Variants in TEAD3 observed in about 807,000 individuals in gnomAD.
TEAD3 encodes TEA domain transcription factor 3.
TEAD3 carries 15 observed loss-of-function variants against 55.6 expected under a neutral mutation model. The ratio of observed to expected loss-of-function variants is 0.27; its 90% confidence interval spans 0.18 to 0.42. The LOEUF is 0.42. Ranked by LOEUF, TEAD3 falls within the 10% of genes least tolerant of loss-of-function variation. TEAD3 has a pLI of 1.00. For missense variants in TEAD3, 407 were observed against 576.8 expected (o/e 0.71, Z 3.01); for synonymous variants, 210 against 232.2 (o/e 0.90, Z 0.87).
At position 35,477,783 on chromosome 6, in the gene TEAD3, GAGAGAATGCAT is replaced by G. The variant is rs201703910; in HGVS notation, c.531-422_531-412del. Among the ~76,000 whole-genome samples the G allele has an allele frequency of 9.6e-3, 1,464 of 152,110 alleles. 8 individuals are homozygous for G. Among genetic ancestry groups the G allele is most frequent in the Non-Finnish European group, 0.015 (1,025 of 67,996 alleles). The stretch of plus-strand genomic sequence containing the variant: ...GGATGACAAGTGGATGCATGCTGAT[GAGAGAATGCAT>G]AGTGAACAGCCAGCGCATCAGCTGT... On this transcript the variant is annotated intron_variant, in intron 7 of 12. Transcript: ENST00000639578.
chr6:35,492,259 G>A (rs1033368250), intron 1 of TEAD3, among the ~76,000 whole-genome samples: 3 of 152,228 alleles, frequency 2.0e-5, no homozygotes, highest in Admixed American at 2.0e-4. Context: ...GACCAGCCGG[G>A]GGGGTCGAGG....
rs1237921102 is a variant in TEAD3 at position 35,488,766 on chromosome 6, C to T, written c.-49-2055G>A. Among the ~76,000 whole-genome samples the T allele has an allele frequency of 6.6e-6, 1 of 152,090 alleles. No individual in the cohort carries two copies. The highest frequency in any genetic ancestry group is 2.4e-5 in the African/African-American group (1 of 41,396). ...TTAGACGGAGTCTTGCTCTGTCGCC[C>T]AGGCTAGAGTGCAATGGCGCGATCT... On this transcript the variant is annotated intron_variant, in intron 1 of 12. Coordinates refer to ENST00000639578, the Ensembl canonical transcript of TEAD3. The surrounding 1 kb of genome is among the most constrained non-coding windows in gnomAD (Gnocchi z 4.2).
In TEAD3 at chr6:35,496,905, G is replaced by C. The variant is rs910319433; in HGVS notation, c.-57C>G. ...GGCGTCCGCCCGGCTTACCTGGTCC[G>C]AGCTCGCGGGGGCGCTCCGGCCGGG... On this transcript the variant is annotated 5_prime_UTR_variant, in exon 1 of 13. Transcript: ENST00000639578. The surrounding 1 kb of genome is among the most constrained non-coding windows in gnomAD (Gnocchi z 4.8). 2 of 151,570 alleles carry C rather than the reference G, an allele frequency of 1.3e-5. No individual in the cohort carries two copies. Among genetic ancestry groups the C allele is most frequent in the African/African-American group, 4.8e-5 (2 of 41,298 alleles). 9.4% of individuals were successfully genotyped at this position (151,570 alleles called of 1,614,324 possible).
chr6:35,480,166 A>C (rs1768237616), intron 3 of TEAD3, 146 bp downstream of exon 4: 7 of 1,550,718 alleles, frequency 4.5e-6, no homozygotes, highest in Non-Finnish European at 6.1e-6. Context: ...AAAGAGCGGA[A>C]GGAGAGGCAG....
chr6:35,490,719 T>G (rs1222648767), intron 1 of TEAD3, among the ~76,000 whole-genome samples: 1 of 152,192 alleles, frequency 6.6e-6, no homozygotes, highest in Admixed American at 6.5e-5. Flanking sequence ...TGTGCCCGCC[T>G]TCTTCTCCCT....
rs375746352 is a variant in TEAD3 at position 35,478,400 on chromosome 6, C to T, written c.480+34G>A. The T allele has an allele frequency of 3.3e-5, 53 of 1,613,574 alleles. No homozygotes were observed. The African/African-American group carries it at 6.5e-4, about 20-fold the overall frequency. On this transcript the variant is annotated intron_variant, in intron 6 of 12. Coordinates refer to ENST00000639578, the Ensembl canonical transcript of TEAD3. ...CTAAAGCTCATCCTTTACAGCACAC[C>T]CCCACACCAGCCCACCTCCTGGGAC...
downstream of TEAD3, chr6:35,473,629 A>ACT (rs1768079150): frequency 8.1e-6 from 1 of 123,778 alleles, no homozygotes; most frequent in African/African-American, 3.2e-5. Context: ...AATAACTTTA[A>ACT]TTTTTTTTTT....
At chr6:35,487,927 C>A (rs1428970344) in intron 1 of TEAD3, among the ~76,000 whole-genome samples, 2 of 152,174 alleles carry the variant, frequency 1.3e-5, no homozygotes, top group East Asian at 3.9e-4. Flanking sequence ...CCTGTCAGCT[C>A]CTCCTCCCCA....
At position 35,486,436 on chromosome 6, in the gene TEAD3, C is replaced by T; in HGVS notation, c.202+25G>A. 1 of 1,597,032 alleles carries T rather than the reference C, an allele frequency of 6.3e-7. No individual in the cohort carries two copies. The highest frequency in any genetic ancestry group is 8.6e-7 in the Non-Finnish European group (1 of 1,168,998). ...AGAGAGCAGGGGGAAGGGCCGCAGTCCCGCCCGCGCCCCCCGGCACGCACC... is the reference window on the plus strand; with the variant it reads ...AGAGAGCAGGGGGAAGGGCCGCAGTTCCGCCCGCGCCCCCCGGCACGCACC... On this transcript the variant is annotated intron_variant, in intron 2 of 12. Coordinates refer to ENST00000639578, the Ensembl canonical transcript of TEAD3. This position sits in a 1 kb window ranked among gnomAD's most constrained non-coding sequence, Gnocchi z 7.3.
chr6:35,477,879 G>A (rs1768184747), intron 7 of TEAD3, among the ~76,000 whole-genome samples: 1 of 151,450 alleles, frequency 6.6e-6, no homozygotes, highest in African/African-American at 2.4e-5. Context: ...TCCCTCTGTT[G>A]CTCAGGCTGT....
At position 35,483,128 on chromosome 6, in the gene TEAD3, A is replaced by G. The variant is rs1487620372; in HGVS notation, c.267+1432T>C. 6.6e-6 allele frequency among the ~76,000 whole-genome samples: 1 copy of G among 152,208 alleles called. No individual in the cohort carries two copies. The highest frequency in any genetic ancestry group is 1.9e-4 in the East Asian group (1 of 5,184). On this transcript the variant is annotated intron_variant, in intron 3 of 12. Transcript: ENST00000639578. The surrounding 1 kb of genome is among the most constrained non-coding windows in gnomAD (Gnocchi z 4.5). The stretch of plus-strand genomic sequence containing the variant: ...GTGGTATCCCTGGTGCCTAGAACAC[A>G]GCAGTAGGTCAATCATTAGCTAAGT...
At chr6:35,477,343 G>A in exon 8 of TEAD3, 1 of 1,604,552 alleles carries the variant, frequency 6.2e-7, no homozygotes, top group Non-Finnish European at 8.5e-7. Context: ...CGGCTGGATG[G>A]GGTAGGCTGG....
At chr6:35,493,859 T>A (rs1424257102) in intron 1 of TEAD3, among the ~76,000 whole-genome samples, 1 of 152,188 alleles carries the variant, frequency 6.6e-6, no homozygotes, top group Non-Finnish European at 1.5e-5. Flanking sequence ...ACACCCAGTG[T>A]CATCTCCAGG....
rs1251186661 is a variant in TEAD3 at position 35,496,150 on chromosome 6, C to A, written c.-50+748G>T. On this transcript the variant is annotated intron_variant, in intron 1 of 12. Transcript: ENST00000639578. This position sits in a 1 kb window ranked among gnomAD's most constrained non-coding sequence, Gnocchi z 4.8. ...GGGGACCGGGGTAGGAAGCGGGAGA[C>A]CAGCCACCCTCAAACCTTGTCAAGT... Among the ~76,000 whole-genome samples the A allele has an allele frequency of 9.2e-5, 14 of 152,252 alleles. No homozygotes were observed. Among genetic ancestry groups the A allele is most frequent in the Admixed American group, 8.5e-4 (13 of 15,296 alleles).
At chr6:35,487,117 T>G (rs1046423272) in intron 1 of TEAD3, among the ~76,000 whole-genome samples, 6 of 152,188 alleles carry the variant, frequency 3.9e-5, no homozygotes, top group Non-Finnish European at 8.8e-5. Context: ...ATTTTCATAT[T>G]CATTCAAACC....
At position 35,491,933 on chromosome 6, in the gene TEAD3, C is replaced by T. The variant is rs1320766698; in HGVS notation, c.-50+4965G>A. On this transcript the variant is annotated intron_variant, in intron 1 of 12. Coordinates refer to ENST00000639578, the Ensembl canonical transcript of TEAD3. The surrounding 1 kb of genome is among the most constrained non-coding windows in gnomAD (Gnocchi z 4.4). ...GGCCCTGGTCCCCCACCCCCACAGA[C>T]CCTGCAGCCTCCAGACCACCCAGCC... Among the ~76,000 whole-genome samples the T allele has an allele frequency of 6.6e-6, 1 of 152,192 alleles. No individual in the cohort carries two copies. The highest frequency in any genetic ancestry group is 1.5e-5 in the Non-Finnish European group (1 of 68,014).
At chr6:35,493,874 C>T (rs573949694) in intron 1 of TEAD3, among the ~76,000 whole-genome samples, 1 of 152,248 alleles carries the variant, frequency 6.6e-6, no homozygotes. Context: ...TCCAGGTACA[C>T]ACAGATGGCT....
chr6:35,486,716 G>T lies in TEAD3; in HGVS notation c.-49-5C>A, dbSNP rs748457872. 7.6e-6 allele frequency: 12 copies of T among 1,577,700 alleles called. No homozygotes were observed. The highest frequency in any genetic ancestry group is 1.0e-5 in the Non-Finnish European group (12 of 1,156,900). On this transcript the variant is annotated splice_polypyrimidine_tract_variant and splice_region_variant and intron_variant, in intron 1 of 12. Transcript: ENST00000639578. The surrounding 1 kb of genome is among the most constrained non-coding windows in gnomAD (Gnocchi z 7.3). ...GAGCCCACTGGGCGGCTGAGCCTGG[G>T]GGACAGACAGACAGGAACTGGGACC...
At chr6:35,492,800 G>A (rs1052987785) in intron 1 of TEAD3, among the ~76,000 whole-genome samples, 2 of 152,146 alleles carry the variant, frequency 1.3e-5, no homozygotes, top group Non-Finnish European at 2.9e-5. Context: ...TAGCGGGTAG[G>A]AGGGTGGAGA....
Sources: allele counts gnomAD v4.1 joint callset (sites outside exome capture counted in the v4.1 genomes callset), GRCh38; gene constraint gnomAD v4.1.1; non-coding constraint Gnocchi (gnomAD v3.1); transcripts MANE v1.5; gene names NCBI Gene and HGNC (gene_info 2026-07-23, HGNC 2026-07-21).